ALLC: variants seen among roughly 807,000 people sequenced by gnomAD.
The protein encoded by ALLC is probable inactive allantoicase.
In ALLC, 40 loss-of-function variants were observed where a neutral mutation model predicts 45.0. The ratio of observed to expected loss-of-function variants is 0.89; its 90% CI spans 0.69 to 1.16. ALLC has a LOEUF of 1.16. ALLC is among the 50% of genes most tolerant of loss of function. The probability of loss-of-function intolerance (pLI) is 0.00; values close to 1 mark genes in which losing one functional copy is unlikely to be tolerated. For missense variants in ALLC, 488 were observed against 493.1 expected (o/e 0.99, Z 0.10); for synonymous variants, 176 against 178.1 (o/e 0.99, Z 0.09).
intron 1 of ALLC, among the ~76,000 whole-genome samples, chr2:3,662,910 G>A (rs550903749): frequency 6.6e-6 from 1 of 152,282 alleles, no homozygotes; most frequent in East Asian, 1.9e-4. Flanking sequence ...ATTACTGGGG[G>A]GCCTGGCAAT....
At chr2:3,682,747 G>C (rs377558521) in intron 6 of ALLC, among the ~76,000 whole-genome samples, 195 bp from the exon 7 acceptor site, 4 of 152,076 alleles carry the variant, frequency 2.6e-5, no homozygotes, top group Admixed American at 2.6e-4. Flanking sequence ...GGATGGTCTC[G>C]ATCTCCTGAC....
At chr2:3,677,750 G>A (rs1667062535) in intron 3 of ALLC, among the ~76,000 whole-genome samples, 1 of 152,168 alleles carries the variant, frequency 6.6e-6, no homozygotes, top group Non-Finnish European at 1.5e-5. Context: ...CCCTTCCTCT[G>A]CTCCTGCCTG....
rs186470534 is a variant in ALLC at position 3,690,642 on chromosome 2, C to T, written c.512-5075C>T. On this transcript the variant is annotated intron_variant, in intron 7 of 11. Coordinates refer to ENST00000252505, the MANE Select transcript of ALLC (RefSeq NM_018436.4). The stretch of plus-strand genomic sequence containing the variant: ...AGAGATGTCAACTCATCTTAGATCA[C>T]AAAGAAAAAAATAGAAATAAACAAA... Among the ~76,000 whole-genome samples, 23 of 150,366 alleles carry T rather than the reference C, an allele frequency of 1.5e-4. 1 individual carries two copies. Among genetic ancestry groups the T allele is most frequent in the Non-Finnish European group, 1.8e-4 (12 of 67,706 alleles).
At chr2:3,702,119 AAAC>A (rs894300991) in intron 11 of ALLC, among the ~76,000 whole-genome samples, 3 of 152,128 alleles carry the variant, frequency 2.0e-5, no homozygotes, top group Non-Finnish European at 4.4e-5. Context: ...CAACTATTAG[AAAC>A]AACTGATGGG....
At chr2:3,683,563 T>C (rs1302319527) in intron 7 of ALLC, among the ~76,000 whole-genome samples, 2 of 152,230 alleles carry the variant, frequency 1.3e-5, no homozygotes. Flanking sequence ...TCATCTTCCC[T>C]ATCCCAAAGC....
chr2:3,681,598 C>G (rs1357679459), intron 5 of ALLC, 36 bp from the exon 6 acceptor site: 4 of 1,506,844 alleles, frequency 2.7e-6, no homozygotes, highest in Non-Finnish European at 3.6e-6. Context: ...GATTTTGAAC[C>G]CTAATCTTAA....
chr2:3,679,432 C>T (rs1054685588), intron 4 of ALLC, among the ~76,000 whole-genome samples: 13 of 152,200 alleles, frequency 8.5e-5, no homozygotes, highest in African/African-American at 2.7e-4. Context: ...GGAGAACCAG[C>T]TCTGCTTACT....
chr2:3,656,586 CG>C (rs150949184), upstream of ALLC, among the ~76,000 whole-genome samples: 10,681 of 152,344 alleles, frequency 0.07, 443 homozygotes, highest in East Asian at 0.11. Context: ...GCTGCCACGT[CG>C]GATGGGGCAG....
At chr2:3,664,643 G>C (rs898674445) in intron 1 of ALLC, among the ~76,000 whole-genome samples, 1 of 152,210 alleles carries the variant, frequency 6.6e-6, no homozygotes, top group East Asian at 1.9e-4. Context: ...CAGCATTTTG[G>C]GAGGCTCAGG....
intron 3 of ALLC, among the ~76,000 whole-genome samples, chr2:3,674,953 C>G (rs867495106): frequency 1.3e-5 from 2 of 152,168 alleles, no homozygotes; most frequent in African/African-American, 4.8e-5. Context: ...AGATTTACAT[C>G]GTTTGCACAA....
At chr2:3,660,358 G>A (rs1031293621) in intron 1 of ALLC, among the ~76,000 whole-genome samples, 3 of 152,144 alleles carry the variant, frequency 2.0e-5, no homozygotes, top group Admixed American at 6.5e-5. Context: ...CATGAGCCAA[G>A]TAAACCCCTT....
intron 1 of ALLC, among the ~76,000 whole-genome samples, chr2:3,660,659 G>GC (rs113295727): frequency 0.2 from 30,275 of 151,502 alleles, 3,694 homozygotes; most frequent in East Asian, 0.35. Context: ...GACGCACGTG[G>GC]CCCCTGCTGC....
At chr2:3,655,966 T>C (rs1161020546), upstream of ALLC, among the ~76,000 whole-genome samples, 1 of 151,878 alleles carries the variant, frequency 6.6e-6, no homozygotes, top group Non-Finnish European at 1.5e-5. Context: ...GGGATGTGGG[T>C]AGCCTGCTGT....
chr2:3,696,315 T>A lies in ALLC; in HGVS notation c.708T>A (p.Thr236=). Residue 236 remains threonine (T), a synonymous_variant, in exon 9 of 12, where the codon ACT becomes ACA. Transcript: ENST00000252505. ...AGTCTATGGCGGATGGTTGGGAAAC[T>A]GCAAGAAGGCTGGACCGGCCACCAA... is the stretch of plus-strand genomic sequence containing the variant. The part of the protein sequence containing the change: ...GAKSMADGWE[T]ARRLDRPPIL... The A allele has an allele frequency of 6.2e-7, 1 of 1,613,740 alleles. No homozygotes were observed. Among genetic ancestry groups the A allele is most frequent in the Non-Finnish European group, 8.5e-7 (1 of 1,179,776 alleles).
At position 3,681,653 on chromosome 2, in the gene ALLC, A is replaced by G. The variant is rs1248594869; in HGVS notation, c.318A>G (p.Pro106=). 2 of 1,610,762 alleles carry G rather than the reference A, an allele frequency of 1.2e-6. No homozygotes were observed. Among genetic ancestry groups the G allele is most frequent in the East Asian group, 2.2e-5 (1 of 44,808 alleles). The part of the protein sequence containing the change: ...NLEEDKLPEI[P]ERGTRTGAAA... ...CTACAGATAAACTACCAGAAATCCCAGAAAGAGGAACCAGGACAGGAGCTG... is the reference window on the plus strand; with the variant it reads ...CTACAGATAAACTACCAGAAATCCCGGAAAGAGGAACCAGGACAGGAGCTG... The change falls in exon 6 of 12, where the codon CCA becomes CCG. Residue 106 remains proline, a synonymous_variant. Transcript: ENST00000252505.
chr2:3,656,911 C>G (rs146864778), upstream of ALLC, among the ~76,000 whole-genome samples: 1 of 152,044 alleles, frequency 6.6e-6, no homozygotes, highest in Non-Finnish European at 1.5e-5. Flanking sequence ...AGCGAAACCA[C>G]GAGGATAAAA....
the ALLC span, among the ~76,000 whole-genome samples, chr2:3,650,428 G>C: frequency 6.6e-6 from 1 of 152,326 alleles, no homozygotes; most frequent in South Asian, 2.1e-4. Context: ...GCTGAGCGCT[G>C]TTTGCTGGCT....
intron 1 of ALLC, among the ~76,000 whole-genome samples, chr2:3,668,145 G>A (rs1666776046): frequency 6.6e-6 from 1 of 152,174 alleles, no homozygotes; most frequent in Non-Finnish European, 1.5e-5. Context: ...AAGGGGTGTT[G>A]GGATGCCTGG....
Position 3,702,451 on chromosome 2 carries a change from A to G in ALLC, c.1064A>G (p.Asp355Gly). The G allele has an allele frequency of 6.2e-7, 1 of 1,612,602 alleles. No individual in the cohort carries two copies. Among genetic ancestry groups the G allele is most frequent in the South Asian group, 1.1e-5 (1 of 91,014 alleles). The change falls in exon 12 of 12, where the codon GAC (aspartate) becomes GGC (glycine). Residue 355 changes from aspartate to glycine, a missense_variant. Physicochemically the swap from Asp to Gly is moderately conservative, Grantham distance 94 (BLOSUM62 -1). Coordinates refer to ENST00000252505, the MANE Select transcript of ALLC (RefSeq NM_018436.4). ...CACGCCAGGCTCACCATCGTCCCCGACGGGGGAGTGAGCCGCCTTCGGCTC... is the reference window on the plus strand; with the variant it reads ...CACGCCAGGCTCACCATCGTCCCCGGCGGGGGAGTGAGCCGCCTTCGGCTC... ...ITHARLTIVP[D>G]GGVSRLRLRG...
Sources: allele counts gnomAD v4.1 joint callset (sites outside exome capture counted in the v4.1 genomes callset), GRCh38; gene constraint gnomAD v4.1.1; transcripts MANE v1.5; gene names NCBI Gene and HGNC (gene_info 2026-07-23, HGNC 2026-07-21).